The following SNTG2 variants were observed in gnomAD, a reference collection of about 807,000 sequenced individuals.
SNTG2 encodes gamma-2-syntrophin.
Under a neutral mutation model 70.9 loss-of-function variants are expected in SNTG2, and 74 were observed. The observed-to-expected ratio is 1.04, with a 90% CI of 0.86 to 1.27. The LOEUF (loss-of-function observed/expected upper bound fraction) is 1.27. Among genes scored for constraint, SNTG2 ranks in the 50% most tolerant of loss-of-function variants. SNTG2 has a pLI of 0.00. For missense variants in SNTG2, 717 were observed against 690.7 expected, an observed-to-expected ratio of 1.04 and a Z score of -0.43; for synonymous variants, 278 against 273.8, an observed-to-expected ratio of 1.02 and a Z score of -0.15.
At chr2:1,099,175 C>T (rs1419907586) in intron 4 of SNTG2, among the ~76,000 whole-genome samples, 1 of 152,188 alleles carries the variant, frequency 6.6e-6, no homozygotes, top group Non-Finnish European at 1.5e-5. Flanking sequence ...TGTGCAGCCT[C>T]AGGCCACTCC....
At chr2:997,526 T>C (rs1248233183) in intron 1 of SNTG2, among the ~76,000 whole-genome samples, 1 of 152,214 alleles carries the variant, frequency 6.6e-6, no homozygotes, top group African/African-American at 2.4e-5. Flanking sequence ...AAGACTTCAA[T>C]CTGACTGTGC....
chr2:1,333,563 A>G (rs551992216), intron 16 of SNTG2, among the ~76,000 whole-genome samples: 2 of 152,332 alleles, frequency 1.3e-5, no homozygotes, highest in South Asian at 4.1e-4. Context: ...ATAGTCACCA[A>G]AACAGCATGG....
intron 1 of SNTG2, among the ~76,000 whole-genome samples, chr2:1,024,340 A>G (rs1163179609): frequency 2.0e-5 from 3 of 152,200 alleles, no homozygotes; most frequent in African/African-American, 7.2e-5. Context: ...TATAAGTGAA[A>G]TTATACTTTA....
intron 14 of SNTG2, among the ~76,000 whole-genome samples, chr2:1,306,599 C>T (rs756988931): frequency 2.6e-5 from 4 of 152,070 alleles, no homozygotes; most frequent in Non-Finnish European, 2.9e-5. Context: ...GGAGCGGAGC[C>T]GTGGCAGGAC....
chr2:1,257,670 A>G (rs1412336853), intron 12 of SNTG2, among the ~76,000 whole-genome samples: 1 of 152,228 alleles, frequency 6.6e-6, no homozygotes, highest in Non-Finnish European at 1.5e-5. Context: ...GACATAATCT[A>G]ATACAGTGAC....
chr2:1,139,269 C>A (rs1213277585), intron 6 of SNTG2, among the ~76,000 whole-genome samples: 2 of 152,126 alleles, frequency 1.3e-5, no homozygotes, highest in African/African-American at 2.4e-5. Context: ...CTTGTTCTGT[C>A]GCCCAGTGTA....
intron 15 of SNTG2, 29 bp downstream of exon 15, chr2:1,308,615 C>T (rs956169928): frequency 1.3e-6 from 2 of 1,521,756 alleles, no homozygotes; most frequent in Admixed American, 3.9e-5. Flanking sequence ...ATCCATGCCG[C>T]CCCATTGCCA....
chr2:1,031,528 A>ATATATATATATATTTTTTTTTT, intron 1 of SNTG2, among the ~76,000 whole-genome samples: 20 of 59,118 alleles, frequency 3.4e-4, no homozygotes, highest in Non-Finnish European at 3.5e-4. Context: ...ATATATATAT[A>ATATATATATATATTTTTTTTTT]TTTTTTTTTT....
At chr2:1,196,548 C>A (rs1672920831) in intron 8 of SNTG2, among the ~76,000 whole-genome samples, 1 of 151,952 alleles carries the variant, frequency 6.6e-6, no homozygotes, top group Non-Finnish European at 1.5e-5. Flanking sequence ...AGAATCAACC[C>A]AAAAAGGTCT....
chr2:1,172,760 C>T (rs908766223), intron 7 of SNTG2, among the ~76,000 whole-genome samples: 7 of 152,176 alleles, frequency 4.6e-5, no homozygotes, highest in African/African-American at 9.7e-5. Context: ...TCACAGAAGG[C>T]GCCTTGTGCT....
At position 1,158,637 on chromosome 2, in the gene SNTG2, A is replaced by T. The variant is rs941631574; in HGVS notation, c.412-6911A>T. Among the ~76,000 whole-genome samples the T allele has an allele frequency of 2.0e-5, 3 of 152,266 alleles. No homozygotes were observed. The East Asian group carries it at 5.8e-4, about 29-fold the overall frequency. On this transcript the variant is annotated intron_variant, in intron 6 of 16. Coordinates refer to ENST00000308624, the MANE Select transcript of SNTG2 (RefSeq NM_018968.4). ...GGAGGTGCATTTCACCATGGTTGGG[A>T]TTTGGGGCAGTTAGGCACAGCACGG...
rs77903596 is a variant in SNTG2, at chr2:1,050,854, G to A, written c.73-32664G>A. On this transcript the variant is annotated intron_variant, in intron 1 of 16. Transcript: ENST00000308624. The stretch of plus-strand genomic sequence containing the variant: ...GTCTTCTTAAATTCCTCCCAATAAT[G>A]TTTTGTAATTTTTATCACAGAAATT... 4.8e-3 allele frequency among the ~76,000 whole-genome samples: 732 copies of A among 152,136 alleles called. 16 individuals are homozygous for A. In the East Asian group the frequency reaches 0.067, roughly 14 times the overall value.
chr2:1,144,505 C>G (rs1329163785), intron 6 of SNTG2, among the ~76,000 whole-genome samples: 3 of 152,134 alleles, frequency 2.0e-5, no homozygotes, highest in Non-Finnish European at 4.4e-5. Context: ...GATATTGTAT[C>G]AGTCTGTTTG....
intron 1 of SNTG2, among the ~76,000 whole-genome samples, chr2:954,070 T>C (rs1660066034): frequency 6.6e-6 from 1 of 152,186 alleles, no homozygotes; most frequent in Admixed American, 6.5e-5. Context: ...TTTCTGGCTT[T>C]CCTGTTAGCT....
intron 16 of SNTG2, among the ~76,000 whole-genome samples, chr2:1,362,821 G>A (rs13405279): frequency 0.72 from 101,743 of 141,802 alleles, 37,025 homozygotes; most frequent in East Asian, 0.94. Context: ...CCGATGCTGA[G>A]CATTTCAGTA....
chr2:1,312,907 G>A (rs1681077370), intron 15 of SNTG2, among the ~76,000 whole-genome samples: 1 of 152,180 alleles, frequency 6.6e-6, no homozygotes, highest in African/African-American at 2.4e-5. Context: ...GTGCAGACTT[G>A]CCTTTGGCCT....
intron 16 of SNTG2, among the ~76,000 whole-genome samples, chr2:1,359,452 T>C (rs986968395): frequency 6.6e-6 from 1 of 152,210 alleles, no homozygotes; most frequent in African/African-American, 2.4e-5. Flanking sequence ...ATATTTTTCT[T>C]TGTCTCTTGT....
At chr2:1,009,354 G>T (rs1447519644) in intron 1 of SNTG2, among the ~76,000 whole-genome samples, 1 of 85,114 alleles carries the variant, frequency 1.2e-5, no homozygotes, top group Non-Finnish European at 2.3e-5. Context: ...GTGTCCCCAG[G>T]AAGACATGCT....
At chr2:1,110,572 T>C (rs1183339197) in intron 4 of SNTG2, among the ~76,000 whole-genome samples, 1 of 152,214 alleles carries the variant, frequency 6.6e-6, no homozygotes, top group African/African-American at 2.4e-5. Context: ...AAACCCGTGA[T>C]GAATGCCCCC....
Sources: allele counts gnomAD v4.1 joint callset (sites outside exome capture counted in the v4.1 genomes callset), GRCh38; gene constraint gnomAD v4.1.1; transcripts MANE v1.5; gene names NCBI Gene and HGNC (gene_info 2026-07-23, HGNC 2026-07-21).